Variants in CSGALNACT1 observed in about 807,000 individuals in gnomAD.
CSGALNACT1 encodes the protein chondroitin sulfate N-acetylgalactosaminyltransferase 1, also known as beta4GalNAcT-1.
In CSGALNACT1, 52 loss-of-function variants were observed where a neutral mutation model predicts 51.0. The ratio of observed to expected loss-of-function variants is 1.02; its 90% CI spans 0.82 to 1.29. The LOEUF (loss-of-function observed/expected upper bound fraction) is 1.29. CSGALNACT1 is among the 50% of genes most tolerant of loss of function. CSGALNACT1 has a pLI of 0.00. For missense variants in CSGALNACT1, 935 were observed against 679.2 expected (o/e 1.38, Z -4.19); for synonymous variants, 341 against 254.4 (o/e 1.34, Z -3.24).
At chr8:19,689,755 C>T (rs541085399) in intron 1 of CSGALNACT1, among the ~76,000 whole-genome samples, 23 of 152,282 alleles carry the variant, frequency 1.5e-4, no homozygotes, top group African/African-American at 5.5e-4. Context: ...TTTATCTGAC[C>T]TGAGAAATCA....
In CSGALNACT1 at chr8:19,757,469, T is replaced by A. The variant is rs141367014; in HGVS notation, c.-297+381A>T. 0.013 allele frequency among the ~76,000 whole-genome samples: 1,903 copies of A among 152,064 alleles called. 21 individuals are homozygous for A. The highest frequency in any genetic ancestry group is 0.021 in the Middle Eastern group (6 of 292). On this transcript the variant is annotated intron_variant, in intron 1 of 1. Transcript: ENST00000517494. This position sits in a 1 kb window ranked among gnomAD's most constrained non-coding sequence, Gnocchi z 4.0. ...GCGTACCTCCGCGTCACCCACGGCC[T>A]CTCTGCAGTGCGTCCCTGCGCCCGT...
intron 4 of CSGALNACT1, among the ~76,000 whole-genome samples, chr8:19,485,759 C>CTA (rs1491319186): frequency 2.6e-5 from 1 of 38,520 alleles, no homozygotes; most frequent in Non-Finnish European, 4.6e-5. Flanking sequence ...CCTCAGCTTG[C>CTA]TTTTTTTTTT....
chr8:19,500,913 T>A (rs1170633343), intron 4 of CSGALNACT1, among the ~76,000 whole-genome samples: 3 of 152,114 alleles, frequency 2.0e-5, no homozygotes, highest in Non-Finnish European at 4.4e-5. Context: ...AAGGGCTGTA[T>A]CCTCCAGAGG....
chr8:19,620,624 G>C (rs556584036), intron 1 of CSGALNACT1, among the ~76,000 whole-genome samples: 1 of 152,022 alleles, frequency 6.6e-6, no homozygotes, highest in East Asian at 1.9e-4. Flanking sequence ...TGTTGAGATG[G>C]GGGTCTCACT....
intron 1 of CSGALNACT1, among the ~76,000 whole-genome samples, chr8:19,643,577 G>A (rs2056958380): frequency 6.6e-6 from 1 of 151,752 alleles, no homozygotes; most frequent in South Asian, 2.1e-4. Flanking sequence ...CACAGAGGTT[G>A]CAGTAAGCCA....
At position 19,740,809 on chromosome 8, in the gene CSGALNACT1, A is replaced by G. The variant is rs574018737; in HGVS notation, c.-297+17041T>C. Among the ~76,000 whole-genome samples, 344 of 152,320 alleles carry G rather than the reference A, an allele frequency of 2.3e-3. 2 individuals carry two copies. Among genetic ancestry groups the G allele is most frequent in the African/African-American group, 8.1e-3 (336 of 41,560 alleles). ...GGAAGGAAATATGACCAGGAAGCAC[A>G]TGTGAAGGGTTTCAAAGGAATGTTC... On this transcript the variant is annotated intron_variant, in intron 1 of 1. Coordinates refer to the CSGALNACT1 transcript ENST00000517494.
At position 19,467,626 on chromosome 8, in the gene CSGALNACT1, GT is replaced by G. The variant is rs558704810; in HGVS notation, c.635-8985del. Among the ~76,000 whole-genome samples the G allele has an allele frequency of 1.1e-3, 171 of 148,780 alleles. 1 individual carries two copies. The highest frequency in any genetic ancestry group is 3.6e-3 in the African/African-American group (146 of 40,622). ...AGTTCAAATGCAAATGACCTGGTTAGTTTTTTTTTTTATTAATTTTTTTCGC... is the reference window on the plus strand; with the variant it reads ...AGTTCAAATGCAAATGACCTGGTTAGTTTTTTTTTTATTAATTTTTTTCGC... On this transcript the variant is annotated intron_variant, in intron 4 of 9. Transcript: ENST00000454498.
intron 1 of CSGALNACT1, among the ~76,000 whole-genome samples, chr8:19,652,819 G>A (rs551629497): frequency 5.3e-5 from 8 of 152,128 alleles, no homozygotes; most frequent in African/African-American, 1.2e-4. Context: ...TGACTTCTCC[G>A]CAGCAACGGA....
intron 1 of CSGALNACT1, among the ~76,000 whole-genome samples, chr8:19,709,632 A>G (rs1402858143): frequency 6.6e-6 from 1 of 152,212 alleles, no homozygotes; most frequent in Non-Finnish European, 1.5e-5. Context: ...GAGGAAGGCC[A>G]AAATAGCTTG....
chr8:19,572,863 GATAA>G (rs1162455387), intron 3 of CSGALNACT1, among the ~76,000 whole-genome samples: 2 of 152,186 alleles, frequency 1.3e-5, no homozygotes, highest in Non-Finnish European at 2.9e-5. Flanking sequence ...TTCCAGTGAA[GATAA>G]ATAATCCGTA....
intron 5 of CSGALNACT1, among the ~76,000 whole-genome samples, chr8:19,456,348 G>A (rs2064091007): frequency 6.6e-6 from 1 of 152,174 alleles, no homozygotes; most frequent in South Asian, 2.1e-4. Flanking sequence ...CAAGGACTCA[G>A]AGAATCAAAG....
At chr8:19,541,777 TA>T (rs1016020160) in intron 3 of CSGALNACT1, among the ~76,000 whole-genome samples, 6 of 152,154 alleles carry the variant, frequency 3.9e-5, no homozygotes, top group African/African-American at 9.6e-5. Context: ...TTTATCTTAA[TA>T]AATGTATTTT....
chr8:19,608,184 C>T (rs564514108), intron 1 of CSGALNACT1, among the ~76,000 whole-genome samples: 1 of 152,296 alleles, frequency 6.6e-6, no homozygotes, highest in Non-Finnish European at 1.5e-5. Flanking sequence ...AACTCACCCC[C>T]AAAGATGATA....
intron 1 of CSGALNACT1, among the ~76,000 whole-genome samples, chr8:19,740,393 G>A (rs1035734806): frequency 2.6e-5 from 4 of 152,180 alleles, no homozygotes; most frequent in African/African-American, 4.8e-5. Context: ...GGCTTGGGGT[G>A]GGGGCAGCAC....
intron 4 of CSGALNACT1, among the ~76,000 whole-genome samples, chr8:19,465,482 T>A (rs151057079): frequency 6.6e-6 from 1 of 152,196 alleles, no homozygotes; most frequent in Non-Finnish European, 1.5e-5. Context: ...CACTAAAAAA[T>A]GCTTTAAATG....
intron 1 of CSGALNACT1, among the ~76,000 whole-genome samples, chr8:19,644,448 G>A (rs2979878): frequency 2.0e-5 from 3 of 149,714 alleles, no homozygotes; most frequent in African/African-American, 4.9e-5. Context: ...AGTGGCTCAC[G>A]CCTGTAATCC....
In CSGALNACT1 at chr8:19,667,100, G is replaced by GAGAGAGA. The variant is rs1386376643; in HGVS notation, c.-544+15372_-544+15373insTCTCTCT. 1.8e-4 allele frequency among the ~76,000 whole-genome samples: 10 copies of GAGAGAGA among 54,138 alleles called. 3 individuals are homozygous for GAGAGAGA. The East Asian group carries it at 2.1e-3, about 11-fold the overall frequency. The allele number at this position is 54,138 out of a possible 152,430, so 35.5% of individuals were successfully genotyped here. On this transcript the variant is annotated intron_variant, in intron 1 of 9. Transcript: ENST00000332246. Reference sequence around the variant, plus strand: ...GAAAGAAAGAAAGAAAGAAAGAAAGGGAAAGAAATCTCATCACAATATCAA... The same window carrying GAGAGAGA: ...GAAAGAAAGAAAGAAAGAAAGAAAGGAGAGAGAGAAAGAAATCTCATCACAATATCAA...
At chr8:19,487,854 C>A (rs2073361246) in intron 4 of CSGALNACT1, among the ~76,000 whole-genome samples, 1 of 152,088 alleles carries the variant, frequency 6.6e-6, no homozygotes, top group African/African-American at 2.4e-5. Context: ...AATGGAAACA[C>A]AGCAGCCCAA....
At chr8:19,697,533 A>T (rs996013543) in intron 1 of CSGALNACT1, among the ~76,000 whole-genome samples, 1 of 152,300 alleles carries the variant, frequency 6.6e-6, no homozygotes, top group East Asian at 1.9e-4. Context: ...GGGCAGAGCT[A>T]AAACAGAAGA....
Sources: gnomAD v4.1 joint callset for allele counts (sites outside exome capture counted in the v4.1 genomes callset) on GRCh38, gnomAD v4.1.1 for gene constraint, Gnocchi (gnomAD v3.1) non-coding constraint, MANE v1.5 for transcripts, NCBI Gene and HGNC (gene_info 2026-07-23, HGNC 2026-07-21) for gene names.